Variants in NLRC5 observed in about 807,000 individuals in gnomAD.
NLRC5 encodes the protein NLR family CARD domain containing 5.
NLRC5 carries 114 observed loss-of-function variants against 206.9 expected under a neutral mutation model. The ratio of observed to expected loss-of-function variants is 0.55; its 90% CI spans 0.47 to 0.64. The LOEUF (loss-of-function observed/expected upper bound fraction) is 0.64. NLRC5 is among the 30% of genes least tolerant of loss of function. The pLI, the probability that NLRC5 is intolerant of heterozygous loss-of-function variation, is 0.00. For missense variants in NLRC5, 2,008 were observed against 2,305.5 expected (o/e 0.87, Z 2.64); for synonymous variants, 952 against 962.8 (o/e 0.99, Z 0.21).
At chr16:57,023,747 C>T in intron 4 of NLRC5, 38 bp from the exon 5 acceptor site, 1 of 1,582,930 alleles carries the variant, frequency 6.3e-7, no homozygotes, top group East Asian at 2.3e-5. Flanking sequence ...CCCAGATCCC[C>T]AGACCCCACT....
intron 6 of NLRC5, 84 bp downstream of exon 6, chr16:57,027,102 G>A: frequency 1.4e-6 from 2 of 1,467,086 alleles, no homozygotes; most frequent in South Asian, 1.3e-5. Context: ...CCTCTGCCAA[G>A]AGGACTGGAT....
chr16:57,019,897 A>G (rs888967511), intron 2 of NLRC5, among the ~76,000 whole-genome samples: 1 of 152,208 alleles, frequency 6.6e-6, no homozygotes, highest in Admixed American at 6.5e-5. Flanking sequence ...TGAGAGCAGC[A>G]TAAATGGTTC....
chr16:57,081,021 T>TC, intron 46 of NLRC5, 77 bp from the exon 47 acceptor site: 1 of 1,330,398 alleles, frequency 7.5e-7, no homozygotes, highest in South Asian at 1.3e-5. Context: ...CACCCTGCTT[T>TC]CCCCATTCAC....
At chr16:57,013,532 C>T in intron 1 of NLRC5, 2 of 857,682 alleles carry the variant, frequency 2.3e-6, no homozygotes, top group South Asian at 2.7e-5. Flanking sequence ...CATTACAGTA[C>T]AATTAACTTC....
intron 1 of NLRC5, among the ~76,000 whole-genome samples, chr16:57,000,451 G>A (rs2058114152): frequency 6.6e-6 from 1 of 152,148 alleles, no homozygotes; most frequent in African/African-American, 2.4e-5. Flanking sequence ...TTGGACTGGG[G>A]ACAGGGACCA....
intron 1 of NLRC5, among the ~76,000 whole-genome samples, chr16:57,008,545 A>G (rs1315710578): frequency 5.9e-5 from 9 of 152,228 alleles, no homozygotes; most frequent in African/African-American, 1.7e-4. Flanking sequence ...AAAAATCTCA[A>G]CATAGTCCTC....
chr16:57,044,073 C>A (rs578012339), intron 20 of NLRC5, among the ~76,000 whole-genome samples: 2 of 148,440 alleles, frequency 1.3e-5, no homozygotes, highest in African/African-American at 2.5e-5. Flanking sequence ...CCAAGGTGGG[C>A]GGATCACGTG....
intron 10 of NLRC5, among the ~76,000 whole-genome samples, chr16:57,031,095 C>T (rs1174045080): frequency 1.3e-5 from 2 of 151,146 alleles, no homozygotes; most frequent in South Asian, 2.1e-4. Context: ...GTGAGATCTC[C>T]ATCTCAAATT....
rs199497485 is a variant in NLRC5 at position 57,061,551 on chromosome 16, C to T, written c.4070+20C>T. On this transcript the variant is annotated intron_variant, in intron 31 of 48. Coordinates refer to ENST00000688547, the MANE Select transcript of NLRC5 (RefSeq NM_001384950.1). ...GCTCACGTGAGTGACCCACCCAGCC[C>T]GTGAGGACAGCAGAGGGGTGGGGGC... The T allele has an allele frequency of 4.0e-5, 64 of 1,609,360 alleles. 1 individual carries two copies. The Admixed American group carries it at 6.2e-4, about 15-fold the overall frequency.
intron 1 of NLRC5, chr16:57,013,370 A>G (rs144869477): frequency 1.6e-6 from 1 of 631,638 alleles, no homozygotes; most frequent in East Asian, 2.8e-5. Context: ...GTCAGTAAAC[A>G]TTCCAAGTTA....
chr16:57,081,438 C>G, intron 47 of NLRC5, 89 bp from the exon 48 acceptor site: 1 of 1,271,888 alleles, frequency 7.9e-7, no homozygotes, highest in Non-Finnish European at 1.1e-6. Flanking sequence ...GTCCCCTGAC[C>G]TTGGCCTGAG....
At position 57,041,565 on chromosome 16, in the gene NLRC5, T is replaced by C; in HGVS notation, c.3020T>C (p.Leu1007Pro). The stretch of plus-strand genomic sequence containing the variant: ...GGAGGAAGCTGCCACCTCGGTCACC[T>C]CCACCTCGAGTGAGTGGTTTGTGTG... The part of the protein sequence containing the change: ...ALGGSCHLGH[L>P]HLDFSGNALG... Residue 1007 changes from leucine to proline, a missense_variant, in exon 18 of 49, where the codon CTC becomes CCC. Transcript: ENST00000688547. The C allele has an allele frequency of 6.2e-7, 1 of 1,613,952 alleles. No homozygotes were observed. The highest frequency in any genetic ancestry group is 1.1e-5 in the South Asian group (1 of 91,082).
intron 1 of NLRC5, among the ~76,000 whole-genome samples, chr16:57,010,100 G>A (rs2059336244): frequency 6.6e-6 from 1 of 152,194 alleles, no homozygotes; most frequent in Non-Finnish European, 1.5e-5. Flanking sequence ...AACTGAAGTG[G>A]GGAAGGTGGT....
Position 57,043,581 on chromosome 16 carries a change from G to A in NLRC5, c.3180G>A (p.Gln1060=). Residue 1060 remains glutamine (Q), a synonymous_variant, in exon 20 of 49, where the codon CAG becomes CAA. Coordinates refer to ENST00000688547, the MANE Select transcript of NLRC5 (RefSeq NM_001384950.1). The stretch of plus-strand genomic sequence containing the variant: ...TGGTTCGGTGCTTCTCCACTCTGCA[G>A]TGGCTCTTCCGCTTGGACATCAGGT... The part of the protein sequence containing the change: ...LGLVRCFSTL[Q]WLFRLDISFE... 3.7e-6 allele frequency: 6 copies of A among 1,614,144 alleles called. No homozygotes were observed. The highest frequency in any genetic ancestry group is 5.1e-6 in the Non-Finnish European group (6 of 1,180,006).
At position 57,076,841 on chromosome 16, in the gene NLRC5, G is replaced by A; in HGVS notation, c.4774G>A (p.Asp1592Asn). ...SLRLNRNSIG[D>N]VGCCHLSEAL... ...CAGACTGAACAGGAACAGTATCGGT[G>A]ATGTCGGTTGCTGCCACCTTTCTGA... Residue 1592 changes from aspartate to asparagine, a missense_variant, in exon 40 of 49, where the codon GAT becomes AAT. Asp to Asn is a conservative substitution (Grantham distance 23). Coordinates refer to ENST00000688547, the MANE Select transcript of NLRC5 (RefSeq NM_001384950.1). The A allele has an allele frequency of 6.2e-7, 1 of 1,614,146 alleles. No individual in the cohort carries two copies. The highest frequency in any genetic ancestry group is 1.1e-5 in the South Asian group (1 of 91,090).
In NLRC5 at chr16:57,025,438, G is replaced by T; in HGVS notation, c.495G>T (p.Gly165=). ...AQQRYRSQIP[G]SGQPHAFHQV... is the part of the protein sequence containing the mutation. Reference sequence around the variant, plus strand: ...AGCGCTACAGGAGCCAAATCCCTGGGTCAGGGCAGCCCCACGCCTTCCACC... The same window carrying T: ...AGCGCTACAGGAGCCAAATCCCTGGTTCAGGGCAGCCCCACGCCTTCCACC... The change falls in exon 6 of 49, where the codon GGG becomes GGT. Residue 165 remains glycine (G), a synonymous_variant. Coordinates refer to ENST00000688547, the MANE Select transcript of NLRC5 (RefSeq NM_001384950.1). The T allele has an allele frequency of 6.3e-7, 1 of 1,599,212 alleles. No individual in the cohort carries two copies. The highest frequency in any genetic ancestry group is 8.5e-7 in the Non-Finnish European group (1 of 1,172,656).
chr16:57,007,581 T>A (rs1381194718), intron 1 of NLRC5, among the ~76,000 whole-genome samples: 1 of 149,502 alleles, frequency 6.7e-6, no homozygotes, highest in Admixed American at 6.8e-5. Flanking sequence ...AAAAAAAAAA[T>A]TAATCAGGCA....
At chr16:57,046,867 G>A (rs1350945818) in intron 22 of NLRC5, among the ~76,000 whole-genome samples, 10 of 152,238 alleles carry the variant, frequency 6.6e-5, no homozygotes, top group African/African-American at 2.4e-4. Context: ...TCTCCTTGGA[G>A]AGAAGATTCC....
chr16:57,009,616 T>A (rs2059289262), intron 1 of NLRC5, among the ~76,000 whole-genome samples: 1 of 151,910 alleles, frequency 6.6e-6, no homozygotes, highest in Admixed American at 6.6e-5. Flanking sequence ...CAAGAACATA[T>A]TATATACAAC....
Sources: gnomAD v4.1 joint callset for allele counts (sites outside exome capture counted in the v4.1 genomes callset) on GRCh38, gnomAD v4.1.1 for gene constraint, MANE v1.5 for transcripts, NCBI Gene and HGNC (gene_info 2026-07-23, HGNC 2026-07-21) for gene names.